IGLL5: variants seen among roughly 807,000 people sequenced by gnomAD.
The protein encoded by IGLL5 is immunoglobulin lambda-like polypeptide 5.
In IGLL5, 30 loss-of-function variants were observed where a neutral mutation model predicts 20.9. The ratio of observed to expected loss-of-function variants is 1.44; its 90% confidence interval spans 1.07 to 1.95. The LOEUF (loss-of-function observed/expected upper bound fraction) is 1.95, where lower values mean the gene tolerates loss of function less well. Ranked by LOEUF, IGLL5 falls within the 30% of genes most tolerant of loss-of-function variation. IGLL5 has a pLI of 0.00. For missense variants in IGLL5, 475 were observed against 270.7 expected, an observed-to-expected ratio of 1.75 and a Z score of -5.30; for synonymous variants, 203 against 117.3, an observed-to-expected ratio of 1.73 and a Z score of -4.72.
chr22:22,889,363 T>C (rs192148615), intron 1 of IGLL5, among the ~76,000 whole-genome samples: 6 of 151,132 alleles, frequency 4.0e-5, no homozygotes, highest in Admixed American at 2.0e-4. Flanking sequence ...TGTATAACCA[T>C]TTTAGCAACA....
At position 22,888,312 on chromosome 22, in the gene IGLL5, AAGGGTGACCAAGGGGAGACAAGCCAG is replaced by A; in HGVS notation, c.206+57_206+82del. On this transcript the variant is annotated intron_variant, in intron 1 of 2. Transcript: ENST00000526893. Reference sequence around the variant, plus strand: ...TGGGGGTCCTGCAGCAGAGCTGGGAAAGGGTGACCAAGGGGAGACAAGCCAGAGGAGTGAGGAGGAAGGTTAACCCC... The same window carrying A: ...TGGGGGTCCTGCAGCAGAGCTGGGAAAGGAGTGAGGAGGAAGGTTAACCCC... 2 of 1,500,884 alleles carry A rather than the reference AAGGGTGACCAAGGGGAGACAAGCCAG, an allele frequency of 1.3e-6. 1 individual carries two copies. The highest frequency in any genetic ancestry group is 5.0e-5 in the East Asian group (2 of 40,290). 93.0% of individuals were successfully genotyped at this position (1,500,884 alleles called of 1,614,324 possible).
intron 2 of IGLL5, among the ~76,000 whole-genome samples, chr22:22,895,112 T>C (rs1569089367): frequency 6.6e-6 from 1 of 151,162 alleles, no homozygotes; most frequent in African/African-American, 2.4e-5. Flanking sequence ...GCCCTGGGTA[T>C]ATGGAGAAAT....
intron 1 of IGLL5, among the ~76,000 whole-genome samples, chr22:22,889,316 G>A (rs2067706701): frequency 2.0e-5 from 3 of 151,040 alleles, no homozygotes; most frequent in Admixed American, 6.6e-5. Context: ...GCAGAGGGGA[G>A]CAGACACGCT....
chr22:22,892,335 T>C (rs1309339032), intron 1 of IGLL5, among the ~76,000 whole-genome samples: 7 of 151,212 alleles, frequency 4.6e-5, no homozygotes, highest in African/African-American at 7.3e-5. Flanking sequence ...GCTGGCCCCA[T>C]CACAATGGGT....
Position 22,895,923 on chromosome 22 carries a change from T to G in IGLL5, c.*229T>G, listed in dbSNP as rs1424245117. ...GGTACAGGGAATTCTGCACCCAGTG[T>G]GAAAATCACCCAAGGGAGGAGGCTC... On this transcript the variant is annotated 3_prime_UTR_variant, in exon 3 of 3. Coordinates refer to ENST00000526893, the MANE Select transcript of IGLL5 (RefSeq NM_001178126.2). 3 of 604,710 alleles carry G rather than the reference T, an allele frequency of 5.0e-6. No homozygotes were observed. The highest frequency in any genetic ancestry group is 3.7e-5 in the African/African-American group (2 of 53,668). The allele number at this position is 604,710 out of a possible 1,614,324, so 37.5% of individuals were successfully genotyped here. A position where few individuals can be genotyped will look rare whatever the true frequency, so the allele number is the denominator to read the frequency against.
chr22:22,890,716 T>C (rs2067816644), intron 1 of IGLL5, among the ~76,000 whole-genome samples: 1 of 150,848 alleles, frequency 6.6e-6, no homozygotes, highest in African/African-American at 2.4e-5. Flanking sequence ...AAAGTCTGTG[T>C]CCACTCACTC....
chr22:22,894,968 C>A (rs1485662494), intron 2 of IGLL5, among the ~76,000 whole-genome samples: 1 of 151,256 alleles, frequency 6.6e-6, no homozygotes, highest in South Asian at 2.1e-4. Context: ...CCACAGTTCA[C>A]GGAGGAGGCT....
At chr22:22,893,957 G>T (rs573808474) in intron 2 of IGLL5, 139 bp downstream of exon 2, 4 of 711,424 alleles carry the variant, frequency 5.6e-6, no homozygotes, top group African/African-American at 3.5e-5. Flanking sequence ...GGGGCCTGGA[G>T]GAGGTGCATT....
chr22:22,889,079 A>C (rs2067683561), intron 1 of IGLL5, among the ~76,000 whole-genome samples: 1 of 151,280 alleles, frequency 6.6e-6, no homozygotes, highest in South Asian at 2.1e-4. Flanking sequence ...ATTTAGGTAG[A>C]TTGATTATCA....
At chr22:22,894,046 AT>A in intron 2 of IGLL5, among the ~76,000 whole-genome samples, 1 of 150,932 alleles carries the variant, frequency 6.6e-6, no homozygotes, top group Middle Eastern at 3.7e-3. Flanking sequence ...CTGAGCTGGG[AT>A]TGGGCAGGGT....
chr22:22,894,019 C>G (rs536620544), intron 2 of IGLL5, among the ~76,000 whole-genome samples: 2 of 151,544 alleles, frequency 1.3e-5, no homozygotes, highest in East Asian at 2.0e-4. Flanking sequence ...CAGCCGGATG[C>G]AGCCTGGTCC....
chr22:22,894,531 A>T (rs147339595), intron 2 of IGLL5, among the ~76,000 whole-genome samples: 1 of 151,528 alleles, frequency 6.6e-6, no homozygotes, highest in Non-Finnish European at 1.5e-5. Context: ...TCTGGGGCCC[A>T]GTGTCTCTCT....
chr22:22,888,747 A>C (rs543218080), intron 1 of IGLL5, among the ~76,000 whole-genome samples: 3 of 151,378 alleles, frequency 2.0e-5, no homozygotes, highest in South Asian at 2.1e-4. Context: ...ACCAACTTGC[A>C]CATAAATGCT....
At position 22,890,046 on chromosome 22, in the gene IGLL5, G is replaced by T. The variant is rs143362763; in HGVS notation, c.206+1787G>T. ...GGTTTTGTGAAGTTGTTCACAAAAAGAGACATTTCTTCTAATATAATTTTT... is the reference window on the plus strand; with the variant it reads ...GGTTTTGTGAAGTTGTTCACAAAAATAGACATTTCTTCTAATATAATTTTT... On this transcript the variant is annotated intron_variant, in intron 1 of 2. Transcript: ENST00000526893. Among the ~76,000 whole-genome samples, 304 of 150,874 alleles carry T rather than the reference G, an allele frequency of 2.0e-3. 1 individual carries two copies. Among genetic ancestry groups the T allele is most frequent in the African/African-American group, 6.8e-3 (280 of 41,164 alleles).
At chr22:22,890,444 A>G (rs2067799644) in intron 1 of IGLL5, among the ~76,000 whole-genome samples, 1 of 150,530 alleles carries the variant, frequency 6.6e-6, no homozygotes, top group Admixed American at 6.7e-5. Flanking sequence ...GTCCATATGG[A>G]TTAACCACAT....
intron 1 of IGLL5, among the ~76,000 whole-genome samples, chr22:22,889,042 C>A (rs543595055): frequency 6.6e-6 from 1 of 151,338 alleles, no homozygotes; most frequent in South Asian, 2.1e-4. Flanking sequence ...GTGCACCATT[C>A]CCAGTCCAGG....
In IGLL5 at chr22:22,895,698, C is replaced by T; in HGVS notation, c.*4C>T. Reference sequence around the variant, plus strand: ...GGCCCCTACAGAATGTTCATAGGTTCCCAACTCTAACCCCACCCACGGGAG... The same window carrying T: ...GGCCCCTACAGAATGTTCATAGGTTTCCAACTCTAACCCCACCCACGGGAG... On this transcript the variant is annotated 3_prime_UTR_variant, in exon 3 of 3. Coordinates refer to ENST00000526893, the MANE Select transcript of IGLL5 (RefSeq NM_001178126.2). 1.9e-6 allele frequency: 3 copies of T among 1,613,014 alleles called. No individual in the cohort carries two copies. Among genetic ancestry groups the T allele is most frequent in the Non-Finnish European group, 2.5e-6 (3 of 1,179,584 alleles).
At chr22:22,888,897 C>G (rs550542921) in intron 1 of IGLL5, among the ~76,000 whole-genome samples, 4 of 151,358 alleles carry the variant, frequency 2.6e-5, no homozygotes, top group South Asian at 4.2e-4. Flanking sequence ...CCAGGCTGGT[C>G]TCACAGATCG....
rs2067568244 is a variant in IGLL5, at chr22:22,888,191, AAGCGGGG to A, written c.140_146del (p.Ser47ThrfsTer60). The A allele has an allele frequency of 6.5e-7, 1 of 1,548,660 alleles. No homozygotes were observed. The highest frequency in any genetic ancestry group is 1.4e-5 in the African/African-American group (1 of 72,784). Reference sequence around the variant, plus strand: ...TGCTGCGCCCAATGGTTGCACCGCAAAGCGGGGACCCAGACCCTGGAGCCTCAGTTGG... The same window carrying A: ...TGCTGCGCCCAATGGTTGCACCGCAAACCCAGACCCTGGAGCCTCAGTTGG... On this transcript the variant is annotated frameshift_variant, in exon 1 of 3. Coordinates refer to ENST00000526893, the MANE Select transcript of IGLL5 (RefSeq NM_001178126.2). LOFTEE classifies it high-confidence loss of function.
Sources: allele counts gnomAD v4.1 joint callset (sites outside exome capture counted in the v4.1 genomes callset), GRCh38; gene constraint gnomAD v4.1.1; transcripts MANE v1.5; gene names NCBI Gene and HGNC (gene_info 2026-07-23, HGNC 2026-07-21).